NRAP: variants seen among roughly 807,000 people sequenced by gnomAD.
The protein encoded by NRAP is nebulin related anchoring protein.
Under a neutral mutation model 225.9 loss-of-function variants are expected in NRAP, and 189 were observed. That is an observed-to-expected ratio of 0.84 (90% CI 0.74 to 0.94). NRAP has a LOEUF of 0.94. NRAP is among the 40% of genes least tolerant of loss of function. The pLI is 0.00. For synonymous variants in NRAP, 769 were observed against 790.7 expected (o/e 0.97, Z 0.46); for missense variants, 2,176 against 2,168.7 (o/e 1.00, Z -0.07).
rs1850848702 is a variant in NRAP at position 113,663,808 on chromosome 10, G to A, written c.72+3C>T. 6.2e-7 allele frequency: 1 copy of A among 1,608,830 alleles called. No individual in the cohort carries two copies. Among genetic ancestry groups the A allele is most frequent in the Non-Finnish European group, 8.5e-7 (1 of 1,175,328 alleles). Reference sequence around the variant, plus strand: ...TCACAAAAGCCAAGAAATGTCTACTGACCTGATCTATACAGCTGATCTTCT... The same window carrying A: ...TCACAAAAGCCAAGAAATGTCTACTAACCTGATCTATACAGCTGATCTTCT... On this transcript the variant is annotated splice_donor_region_variant and intron_variant, in intron 1 of 41. Coordinates refer to ENST00000359988, the MANE Select transcript of NRAP (RefSeq NM_198060.4).
At chr10:113,619,449 C>G (rs1186548582) in intron 25 of NRAP, among the ~76,000 whole-genome samples, 1 of 152,036 alleles carries the variant, frequency 6.6e-6, no homozygotes, top group East Asian at 1.9e-4. Context: ...ACCAAGGTCC[C>G]TAAAAATCAG....
At chr10:113,622,229 T>TCCTCCTTGTAC in intron 23 of NRAP, 49 bp from the exon 24 acceptor site, 1 of 1,312,622 alleles carries the variant, frequency 7.6e-7, no homozygotes, top group Non-Finnish European at 1.1e-6. Context: ...CCTAAAGGAA[T>TCCTCCTTGTAC]TGTTAGGCTT....
chr10:113,626,979 C>A (rs950270510), intron 20 of NRAP, among the ~76,000 whole-genome samples: 1 of 152,152 alleles, frequency 6.6e-6, no homozygotes, highest in Non-Finnish European at 1.5e-5. Flanking sequence ...CTGAAAACGG[C>A]GTGTGGAAGC....
intron 14 of NRAP, among the ~76,000 whole-genome samples, chr10:113,639,091 C>CAAAAAA (rs60509891): frequency 8.6e-6 from 1 of 115,818 alleles, no homozygotes; most frequent in Non-Finnish European, 1.8e-5. Flanking sequence ...ATGTATATAG[C>CAAAAAA]AAAAAAAAAA....
chr10:113,620,779 C>T (rs1412634577), intron 24 of NRAP, 71 bp from the exon 25 acceptor site: 20 of 1,043,020 alleles, frequency 1.9e-5, no homozygotes, highest in East Asian at 7.1e-5. Flanking sequence ...GGGCTATTAG[C>T]GGCTCCCAAC....
At chr10:113,632,312 T>C (rs958115500) in intron 16 of NRAP, among the ~76,000 whole-genome samples, 1 of 152,216 alleles carries the variant, frequency 6.6e-6, no homozygotes, top group African/African-American at 2.4e-5. Flanking sequence ...GAGAATAAAT[T>C]GGATAGAATA....
chr10:113,605,131 G>C (rs181881647), intron 34 of NRAP, among the ~76,000 whole-genome samples: 1 of 152,316 alleles, frequency 6.6e-6, no homozygotes, highest in East Asian at 1.9e-4. Flanking sequence ...CAGAACTAAA[G>C]GAAGGGCTTC....
chr10:113,589,703 A>T lies in NRAP; in HGVS notation c.5051T>A (p.Leu1684Gln), dbSNP rs4918857. 5.8e-3 allele frequency: 9,310 copies of T among 1,614,138 alleles called. 36 individuals carry two copies. The highest frequency in any genetic ancestry group is 7.0e-3 in the Non-Finnish European group (8,279 of 1,180,032). ...GAGACCCAGGCCCCTTGCGTTGGCCAGTTCCGCAGCCCGCCGAGCCATTTC... is the reference window on the plus strand; with the variant it reads ...GAGACCCAGGCCCCTTGCGTTGGCCTGTTCCGCAGCCCGCCGAGCCATTTC... Reference protein sequence around the residue: ...KVEMARRAAELANARGLGLQG... With the variant: ...KVEMARRAAEQANARGLGLQG... The change falls in exon 41 of 42, where the codon CTG (leucine) becomes CAG (glutamine). Residue 1684 changes from leucine (L) to glutamine (Q), a missense_variant. Physicochemically the swap from Leu to Gln is moderately radical, Grantham distance 113. Coordinates refer to ENST00000359988, the MANE Select transcript of NRAP (RefSeq NM_198060.4).
intron 16 of NRAP, 32 bp downstream of exon 16, chr10:113,633,052 C>A (rs764636044): frequency 9.3e-7 from 1 of 1,078,008 alleles, no homozygotes; most frequent in South Asian, 1.2e-5. Flanking sequence ...CTCTATAACC[C>A]CCTCCACCGT....
At chr10:113,590,447 G>GTGTT (rs763594750) in intron 40 of NRAP, 131 bp downstream of exon 40, 42 of 783,388 alleles carry the variant, frequency 5.4e-5, no homozygotes, top group Admixed American at 2.1e-4. Flanking sequence ...TGGCACTAAA[G>GTGTT]TGTTAGGTGT....
intron 34 of NRAP, 121 bp downstream of exon 34, chr10:113,605,641 G>A (rs1449905334): frequency 3.7e-5 from 26 of 700,728 alleles, no homozygotes; most frequent in Non-Finnish European, 6.7e-5. Context: ...TATTCTGCAG[G>A]TGACATCCTG....
In NRAP at chr10:113,633,458, T is replaced by C. The variant is rs186375725; in HGVS notation, c.1528-270A>G. 1.1e-3 allele frequency among the ~76,000 whole-genome samples: 175 copies of C among 152,284 alleles called. 6 individuals are homozygous for C. Among genetic ancestry groups the C allele is most frequent in the African/African-American group, 4.1e-3 (171 of 41,558 alleles). ...TTCACCAACTCCCCTTACACGCACT[T>C]GAGAATATTGAACTTTTTAAAAAAC... On this transcript the variant is annotated intron_variant, in intron 15 of 41. Transcript: ENST00000359988.
intron 14 of NRAP, among the ~76,000 whole-genome samples, chr10:113,637,417 G>T (rs1012352256): frequency 6.6e-6 from 1 of 152,144 alleles, no homozygotes; most frequent in Non-Finnish European, 1.5e-5. Flanking sequence ...CTATAAACCT[G>T]GTTTGCCAAA....
At chr10:113,591,093 A>AAAT (rs1285481147) in intron 39 of NRAP, among the ~76,000 whole-genome samples, 1 of 138,890 alleles carries the variant, frequency 7.2e-6, no homozygotes, top group African/African-American at 2.7e-5. Context: ...CCATCTGATA[A>AAAT]AATTGGAGAA....
rs182331109 is a variant in NRAP at position 113,597,935 on chromosome 10, C to G, written c.4332+34G>C. On this transcript the variant is annotated intron_variant, in intron 36 of 41. Transcript: ENST00000359988. ...CTTCAAAAGGAAATGCTAGCTTGCC[C>G]TTGTCACTTGTGGTGGGGACAGGTT... 75 of 1,422,998 alleles carry G rather than the reference C, an allele frequency of 5.3e-5. No individual in the cohort carries two copies. The African/African-American group carries it at 8.7e-4, about 17-fold the overall frequency. 88.1% of individuals were successfully genotyped at this position (1,422,998 alleles called of 1,614,324 possible). A position where few individuals can be genotyped will look rare whatever the true frequency, so the allele number is the denominator to read the frequency against.
In NRAP at chr10:113,614,279, T is replaced by C. The variant is rs777056121; in HGVS notation, c.3204A>G (p.Ala1068=). ...EIISDYKYKE[A]FEKMKGQMLG... is the part of the protein sequence containing the mutation. ...GCATCTGTCCTTTCATTTTCTCAAATGCCTCTTTGTATTTGTACTAAAGGG... is the reference window on the plus strand; with the variant it reads ...GCATCTGTCCTTTCATTTTCTCAAACGCCTCTTTGTATTTGTACTAAAGGG... Residue 1068 remains alanine (A), a synonymous_variant, in exon 29 of 42, where the codon GCA becomes GCG. Coordinates refer to ENST00000359988, the MANE Select transcript of NRAP (RefSeq NM_198060.4). 1.2e-6 allele frequency: 2 copies of C among 1,612,684 alleles called. No homozygotes were observed. The highest frequency in any genetic ancestry group is 2.2e-5 in the East Asian group (1 of 44,874).
intron 36 of NRAP, among the ~76,000 whole-genome samples, 154 bp downstream of exon 36, chr10:113,597,815 G>C (rs553008326): frequency 1.3e-5 from 2 of 152,202 alleles, no homozygotes; most frequent in African/African-American, 4.8e-5. Flanking sequence ...ACCTCATTCT[G>C]TCTTGGGATT....
intron 5 of NRAP, 26 bp from the exon 6 acceptor site, chr10:113,653,065 T>A (rs1265175487): frequency 1.6e-6 from 2 of 1,261,544 alleles, no homozygotes; most frequent in South Asian, 1.3e-5. Flanking sequence ...AATGTCAGCA[T>A]GAGAACTGAG....
In NRAP at chr10:113,605,778, C is replaced by A; in HGVS notation, c.3899G>T (p.Gly1300Val). 6.2e-7 allele frequency: 1 copy of A among 1,612,894 alleles called. No individual in the cohort carries two copies. The highest frequency in any genetic ancestry group is 8.5e-7 in the Non-Finnish European group (1 of 1,178,842). The change falls in exon 34 of 42, where the codon GGA (glycine) becomes GTA (valine). Residue 1300 changes from glycine (G) to valine (V), a missense_variant. Gly to Val is a moderately radical substitution (Grantham distance 109). Around this residue, in one of 3 missense-constraint regions of NRAP, gnomAD observed 1,708 missense variants for 1,695.5 expected, o/e 1.01. Coordinates refer to ENST00000359988, the MANE Select transcript of NRAP (RefSeq NM_198060.4). ...TCAACTCACATCACTGGCTATATCT[C>A]CAGAGGCCCGGGCAGCCTGGAAGGG... ...ALPFQAARAS[G>V]DIASDFLYRH...
Sources: gnomAD v4.1 joint callset for allele counts (sites outside exome capture counted in the v4.1 genomes callset) on GRCh38, gnomAD v4.1.1 for gene constraint, gnomAD v4.1.1 regional missense constraint, MANE v1.5 for transcripts, NCBI Gene and HGNC (gene_info 2026-07-23, HGNC 2026-07-21) for gene names.